The following DLG2 variants were observed in gnomAD, a reference collection of about 807,000 sequenced individuals.
The protein encoded by DLG2 is discs large MAGUK scaffold protein 2.
Under a neutral mutation model 132.5 loss-of-function variants are expected in DLG2, and 45 were observed. The observed-to-expected ratio is 0.34, with a 90% CI of 0.27 to 0.44. The LOEUF (loss-of-function observed/expected upper bound fraction) is 0.44. Ranked by LOEUF, DLG2 falls within the 20% of genes least tolerant of loss-of-function variation. DLG2 has a pLI of 1.00. For synonymous variants in DLG2, 424 were observed against 419.6 expected, an observed-to-expected ratio of 1.01 and a Z score of -0.13; for missense variants, 1,045 against 1,196.9, an observed-to-expected ratio of 0.87 and a Z score of 1.87.
At chr11:85,186,839 T>C (rs1280132299) in intron 4 of DLG2, among the ~76,000 whole-genome samples, 1 of 152,112 alleles carries the variant, frequency 6.6e-6, no homozygotes, top group African/African-American at 2.4e-5. Context: ...TCATCATATA[T>C]TTCATTTTAA....
intron 19 of DLG2, among the ~76,000 whole-genome samples, chr11:83,570,379 A>T (rs764383244): frequency 6.6e-6 from 1 of 152,184 alleles, no homozygotes; most frequent in Non-Finnish European, 1.5e-5. Context: ...AGCACCCTGT[A>T]AACTGCAAAT....
intron 7 of DLG2, among the ~76,000 whole-genome samples, chr11:84,268,764 CTCT>C (rs2097681471): frequency 6.6e-6 from 1 of 152,058 alleles, no homozygotes; most frequent in Non-Finnish European, 1.5e-5. Context: ...CCCGGCCCAT[CTCT>C]TTTTTACAGT....
At chr11:83,563,528 A>T (rs1023030171) in intron 19 of DLG2, among the ~76,000 whole-genome samples, 2 of 152,224 alleles carry the variant, frequency 1.3e-5, no homozygotes, top group Non-Finnish European at 2.9e-5. Flanking sequence ...ATTCGAAAAC[A>T]CAACTTTCTG....
At chr11:85,540,372 A>T (rs1598383302) in intron 3 of DLG2, among the ~76,000 whole-genome samples, 1 of 152,140 alleles carries the variant, frequency 6.6e-6, no homozygotes, top group Non-Finnish European at 1.5e-5. Flanking sequence ...ACTGACAGAC[A>T]CCAGCAGATG....
intron 6 of DLG2, among the ~76,000 whole-genome samples, chr11:85,000,235 A>T (rs1476240916): frequency 6.6e-6 from 1 of 152,100 alleles, no homozygotes; most frequent in Non-Finnish European, 1.5e-5. Context: ...TTTTTTCCAA[A>T]ATATGTTTGC....
chr11:85,261,883 A>G (rs1229072644), intron 4 of DLG2, among the ~76,000 whole-genome samples: 1 of 152,086 alleles, frequency 6.6e-6, no homozygotes, highest in Non-Finnish European at 1.5e-5. Context: ...AGGGAGAAGG[A>G]GTAGATGGAG....
intron 9 of DLG2, among the ~76,000 whole-genome samples, chr11:84,100,645 C>A (rs1248612877): frequency 1.3e-5 from 2 of 151,846 alleles, no homozygotes; most frequent in African/African-American, 4.8e-5. Flanking sequence ...CATATTCTTA[C>A]AAAAAATATA....
intron 27 of DLG2, chr11:83,461,786 C>G (rs141188760): frequency 3.9e-6 from 2 of 510,070 alleles, no homozygotes; most frequent in African/African-American, 3.8e-5. Context: ...CTGGTGGGAA[C>G]CTGGGAGCTG....
chr11:83,624,954 C>G (rs2062242960), intron 19 of DLG2, among the ~76,000 whole-genome samples: 1 of 152,276 alleles, frequency 6.6e-6, no homozygotes, highest in South Asian at 2.1e-4. Context: ...TCCCAGTTAC[C>G]TTTGCCCCCA....
In DLG2 at chr11:85,016,560, G is replaced by A. The variant is rs1203477264; in HGVS notation, c.357+95101C>T. On this transcript the variant is annotated intron_variant, in intron 6 of 27. Coordinates refer to ENST00000376104, the MANE Select transcript of DLG2 (RefSeq NM_001142699.3). ...AAAATCCAAATCCCAGATAAATACT[G>A]CATCTGGTCTCTCTCAACTCACACC... Among the ~76,000 whole-genome samples the A allele has an allele frequency of 2.0e-5, 3 of 152,124 alleles. No individual in the cohort carries two copies. In the East Asian group the frequency reaches 5.8e-4, roughly 29 times the overall value.
At chr11:84,286,476 G>C (rs1311238169) in intron 7 of DLG2, among the ~76,000 whole-genome samples, 2 of 152,108 alleles carry the variant, frequency 1.3e-5, no homozygotes, top group Admixed American at 1.3e-4. Context: ...TTGCAATATT[G>C]TTAACTAGAA....
At chr11:84,847,436 G>C (rs1001971305) in intron 6 of DLG2, among the ~76,000 whole-genome samples, 9 of 152,146 alleles carry the variant, frequency 5.9e-5, no homozygotes, top group African/African-American at 1.9e-4. Context: ...TTGTTTTGGA[G>C]TTTGGGAGTT....
At chr11:85,508,059 G>A (rs1319895938) in intron 3 of DLG2, among the ~76,000 whole-genome samples, 2 of 152,046 alleles carry the variant, frequency 1.3e-5, no homozygotes, top group African/African-American at 4.8e-5. Flanking sequence ...GCTCCATCAG[G>A]TCATTTAAGG....
chr11:85,545,777 A>G (rs1275218510), intron 3 of DLG2, among the ~76,000 whole-genome samples: 1 of 152,156 alleles, frequency 6.6e-6, no homozygotes, highest in Non-Finnish European at 1.5e-5. Context: ...TCATTTGCAT[A>G]GAGGTGTTTA....
chr11:84,640,433 C>T (rs1241165786), intron 6 of DLG2: 2 of 457,096 alleles, frequency 4.4e-6, no homozygotes, highest in Admixed American at 3.3e-5. Flanking sequence ...TTGAAGGAAA[C>T]AACATTGAGC....
chr11:83,954,778 G>C (rs943194779), intron 14 of DLG2, among the ~76,000 whole-genome samples: 2 of 152,172 alleles, frequency 1.3e-5, no homozygotes, highest in Non-Finnish European at 2.9e-5. Flanking sequence ...AAAACTGATA[G>C]ACTAGTTTAT....
intron 7 of DLG2, among the ~76,000 whole-genome samples, chr11:84,399,482 G>A (rs1464963516): frequency 6.6e-6 from 1 of 152,182 alleles, no homozygotes; most frequent in East Asian, 1.9e-4. Flanking sequence ...CTGGAGTGCA[G>A]TGGTGTGATC....
intron 19 of DLG2, among the ~76,000 whole-genome samples, 172 bp from the exon 20 acceptor site, chr11:83,542,030 A>G (rs560898905): frequency 4.0e-5 from 6 of 151,882 alleles, no homozygotes; most frequent in Admixed American, 2.0e-4. Flanking sequence ...GCAACACACT[A>G]AAGTTAGTTC....
At chr11:84,645,122 G>C (rs2099673013) in intron 6 of DLG2, among the ~76,000 whole-genome samples, 1 of 152,182 alleles carries the variant, frequency 6.6e-6, no homozygotes, top group African/African-American at 2.4e-5. Flanking sequence ...AGAGGAAGCA[G>C]TCAGGGATAA....
Sources: allele counts gnomAD v4.1 joint callset (sites outside exome capture counted in the v4.1 genomes callset), GRCh38; gene constraint gnomAD v4.1.1; transcripts MANE v1.5; gene names NCBI Gene and HGNC (gene_info 2026-07-23, HGNC 2026-07-21).